The following CNTN1 variants were observed in gnomAD, a reference collection of about 807,000 sequenced individuals.
The protein encoded by CNTN1 is contactin 1.
Under a neutral mutation model 126.4 loss-of-function variants are expected in CNTN1, and 38 were observed. That is an observed-to-expected ratio of 0.30 (90% CI 0.23 to 0.39). The LOEUF is 0.39. CNTN1 is among the 10% of genes least tolerant of loss of function. CNTN1 has a pLI of 1.00. For missense variants in CNTN1, 1,009 were observed against 1,248.4 expected, an observed-to-expected ratio of 0.81 and a Z score of 2.89; for synonymous variants, 413 against 422.6, an observed-to-expected ratio of 0.98 and a Z score of 0.28.
At chr12:41,054,578 C>A (rs994315371) in intron 23 of CNTN1, among the ~76,000 whole-genome samples, 1 of 152,004 alleles carries the variant, frequency 6.6e-6, no homozygotes, top group Non-Finnish European at 1.5e-5. Context: ...GCACTTATCA[C>A]AGAACATAGC....
At chr12:40,974,377 G>A (rs1947613668) in intron 15 of CNTN1, among the ~76,000 whole-genome samples, 2 of 151,956 alleles carry the variant, frequency 1.3e-5, no homozygotes, top group South Asian at 4.2e-4. Context: ...GACTGAGATG[G>A]GATCACATAA....
At chr12:40,942,409 A>G (rs971118519) in intron 12 of CNTN1, among the ~76,000 whole-genome samples, 2 of 152,130 alleles carry the variant, frequency 1.3e-5, no homozygotes, top group African/African-American at 4.8e-5. Flanking sequence ...TGTTGAAATG[A>G]CTTGGACTGC....
At position 40,922,568 on chromosome 12, in the gene CNTN1, T is replaced by C. The variant is rs954155674; in HGVS notation, c.400+140T>C. On this transcript the variant is annotated intron_variant, in intron 5 of 23. Transcript: ENST00000551295. ...AGATGAGTGGACCCTAATTGTGTAA[T>C]GGAGACAACAAAGCACCACAAGGCA... 6.6e-6 allele frequency: 5 copies of C among 763,174 alleles called. No homozygotes were observed. The African/African-American group carries it at 6.9e-5, about 11-fold the overall frequency. 47.3% of individuals were successfully genotyped at this position (763,174 alleles called of 1,614,324 possible). A position where few individuals can be genotyped will look rare whatever the true frequency, so the allele number is the denominator to read the frequency against.
At chr12:40,948,155 A>T (rs1946504158) in intron 14 of CNTN1, among the ~76,000 whole-genome samples, 2 of 151,948 alleles carry the variant, frequency 1.3e-5, no homozygotes, top group South Asian at 4.1e-4. Flanking sequence ...AGTATTGGGG[A>T]CACGAATAAA....
intron 1 of CNTN1, among the ~76,000 whole-genome samples, chr12:40,868,265 G>A (rs1488528745): frequency 1.3e-5 from 2 of 152,032 alleles, no homozygotes; most frequent in African/African-American, 4.8e-5. Context: ...TGAATGCTAA[G>A]TTTTCTCTAT....
At chr12:40,747,952 A>G (rs575289926) in intron 1 of CNTN1, among the ~76,000 whole-genome samples, 11 of 152,258 alleles carry the variant, frequency 7.2e-5, no homozygotes, top group African/African-American at 2.6e-4. Context: ...TTAGATACTA[A>G]ATTAGATCTC....
chr12:40,797,261 G>A (rs1291756136), intron 1 of CNTN1, among the ~76,000 whole-genome samples: 1 of 152,088 alleles, frequency 6.6e-6, no homozygotes. Flanking sequence ...CCTAGAAAAA[G>A]TATGGATATT....
rs56088295 is a variant in CNTN1, at chr12:40,899,645, C to A, written c.-76-8712C>A. 3.0e-3 allele frequency among the ~76,000 whole-genome samples: 449 copies of A among 152,198 alleles called. 1 individual carries two copies. The highest frequency in any genetic ancestry group is 5.1e-3 in the Non-Finnish European group (347 of 68,002). On this transcript the variant is annotated intron_variant, in intron 1 of 23. Transcript: ENST00000551295. ...CCTATACATTGTTCTCTGTGAGCAA[C>A]GAAAATATTCCAACCTTCACTTAAC...
chr12:40,714,720 A>T (rs993643150), intron 1 of CNTN1, among the ~76,000 whole-genome samples: 2 of 152,108 alleles, frequency 1.3e-5, no homozygotes, highest in Non-Finnish European at 2.9e-5. Flanking sequence ...GCTAAAAGTG[A>T]CTATATCATA....
chr12:41,028,347 A>G (rs1342477318), intron 22 of CNTN1, among the ~76,000 whole-genome samples: 1 of 152,106 alleles, frequency 6.6e-6, no homozygotes, highest in Non-Finnish European at 1.5e-5. Context: ...CAACTTTCTT[A>G]TTCTATTTAA....
rs367855505 is a variant in CNTN1, at chr12:41,067,645, T to C, written c.2981-2314T>C. Among the ~76,000 whole-genome samples the C allele has an allele frequency of 7.3e-3, 1,075 of 146,686 alleles. 9 individuals are homozygous for C. The highest frequency in any genetic ancestry group is 0.025 in the African/African-American group (970 of 39,532). On this transcript the variant is annotated intron_variant, in intron 23 of 23. Coordinates refer to ENST00000551295, the MANE Select transcript of CNTN1 (RefSeq NM_001843.4). ...GGTGGGGGAGGGGGGAGGGATAGCATTGGGAGATATACCTAATGCTAGATG... is the reference window on the plus strand; with the variant it reads ...GGTGGGGGAGGGGGGAGGGATAGCACTGGGAGATATACCTAATGCTAGATG...
intron 1 of CNTN1, among the ~76,000 whole-genome samples, chr12:40,795,111 G>A (rs1940364052): frequency 6.6e-6 from 1 of 152,008 alleles, no homozygotes; most frequent in Admixed American, 6.6e-5. Flanking sequence ...AAACCCTGAG[G>A]ATTCTCAGAT....
chr12:40,735,832 C>T (rs1186757197), intron 1 of CNTN1, among the ~76,000 whole-genome samples: 2 of 152,086 alleles, frequency 1.3e-5, no homozygotes, highest in Non-Finnish European at 2.9e-5. Flanking sequence ...GGAAAATCTA[C>T]AGTCCTCGGT....
At chr12:40,905,779 C>A (rs1944785997) in intron 1 of CNTN1, among the ~76,000 whole-genome samples, 1 of 151,974 alleles carries the variant, frequency 6.6e-6, no homozygotes, top group South Asian at 2.1e-4. Context: ...ATGTGTAACT[C>A]AATGAGAAAA....
chr12:40,813,257 G>A (rs1176454170), intron 1 of CNTN1, among the ~76,000 whole-genome samples: 3 of 147,780 alleles, frequency 2.0e-5, no homozygotes, highest in East Asian at 4.0e-4. Context: ...GGATTCATGT[G>A]CAGAACATGC....
intron 23 of CNTN1, among the ~76,000 whole-genome samples, chr12:41,067,524 A>C (rs1950070948): frequency 6.7e-6 from 1 of 150,242 alleles, no homozygotes; most frequent in South Asian, 2.1e-4. Flanking sequence ...AGAACAAAAA[A>C]CCAAACACCG....
intron 1 of CNTN1, among the ~76,000 whole-genome samples, chr12:40,748,621 A>G (rs1261728234): frequency 6.6e-6 from 1 of 152,164 alleles, no homozygotes; most frequent in Non-Finnish European, 1.5e-5. Context: ...ACAATGTAAA[A>G]TCAAAACTTT....
At chr12:40,805,553 T>G (rs771016043) in intron 1 of CNTN1, among the ~76,000 whole-genome samples, 11 of 152,154 alleles carry the variant, frequency 7.2e-5, no homozygotes, top group Non-Finnish European at 1.5e-4. Flanking sequence ...GCTTAAATTC[T>G]CACTTTGTTA....
intron 5 of CNTN1, among the ~76,000 whole-genome samples, chr12:40,924,063 G>A (rs1170141753): frequency 6.6e-6 from 1 of 152,088 alleles, no homozygotes; most frequent in Non-Finnish European, 1.5e-5. Context: ...AGGAGCAAGA[G>A]ATTGGTTACT....
Sources: allele counts gnomAD v4.1 joint callset (sites outside exome capture counted in the v4.1 genomes callset), GRCh38; gene constraint gnomAD v4.1.1; transcripts MANE v1.5; gene names NCBI Gene and HGNC (gene_info 2026-07-23, HGNC 2026-07-21).